EHBP1L1: variants seen among roughly 807,000 people sequenced by gnomAD.
The protein encoded by EHBP1L1 is EH domain-binding protein 1-like protein 1.
EHBP1L1 carries 122 observed loss-of-function variants against 151.1 expected under a neutral mutation model. The observed-to-expected ratio is 0.81, with a 90% CI of 0.70 to 0.94. The LOEUF is 0.94. Ranked by LOEUF, EHBP1L1 falls within the 40% of genes least tolerant of loss-of-function variation. The pLI is 0.00. For synonymous variants in EHBP1L1, 878 were observed against 810.1 expected (o/e 1.08, Z -1.42); for missense variants, 1,941 against 1,959.8 (o/e 0.99, Z 0.18).
chr11:65,583,781 G>T lies in EHBP1L1; in HGVS notation c.3093+16G>T. The T allele has an allele frequency of 6.8e-7, 1 of 1,461,732 alleles. No homozygotes were observed. 90.5% of individuals were successfully genotyped at this position (1,461,732 alleles called of 1,614,324 possible). On this transcript the variant is annotated intron_variant, in intron 9 of 18. Coordinates refer to ENST00000309295, the MANE Select transcript of EHBP1L1 (RefSeq NM_001099409.3). Reference sequence around the variant, plus strand: ...GGGCAGCCAGGTAGGGATGGGGGCCGCCGAGGGCCCAGTCTGCTGCTTCCC... The same window carrying T: ...GGGCAGCCAGGTAGGGATGGGGGCCTCCGAGGGCCCAGTCTGCTGCTTCCC...
rs763416698 is a variant in EHBP1L1 at position 65,585,505 on chromosome 11, C to G, written c.3847C>G (p.Leu1283Val). 1.9e-6 allele frequency: 3 copies of G among 1,563,188 alleles called. No homozygotes were observed. The Admixed American group carries it at 5.5e-5, about 29-fold the overall frequency. The stretch of plus-strand genomic sequence containing the variant: ...CTCCCACGTGCGCGACGCGGACCTG[C>G]TCAAGAAGAGGCGCTCGCGGCTGCG... ...SFSHVRDADL[L>V]KKRRSRLRNS... The change falls in exon 12 of 19, where the codon CTC (leucine) becomes GTC (valine). Residue 1283 changes from leucine (L) to valine (V), a missense_variant. Physicochemically the swap from Leu to Val is conservative, Grantham distance 32. Coordinates refer to ENST00000309295, the MANE Select transcript of EHBP1L1 (RefSeq NM_001099409.3). The surrounding 1 kb of genome is among the most constrained non-coding windows in gnomAD (Gnocchi z 4.0).
rs185664667 is a variant in EHBP1L1 at position 65,584,392 on chromosome 11, A to G, written c.3245A>G (p.Asp1082Gly). Residue 1082 changes from aspartate to glycine, a missense_variant, in exon 10 of 19, where the codon GAC becomes GGC. By Grantham distance (94) the Asp-to-Gly change is moderately conservative. Coordinates refer to ENST00000309295, the MANE Select transcript of EHBP1L1 (RefSeq NM_001099409.3). ...GCCATCCTGCACCGATTCTACCCAG[A>G]CAAGATGTGAGCTGCCAGAGGGGTG... ...FCAILHRFYP[D>G]KIDYASLDPL... The G allele has an allele frequency of 1.5e-3, 2,439 of 1,613,140 alleles. 1 individual carries two copies. The highest frequency in any genetic ancestry group is 1.8e-3 in the Non-Finnish European group (2,122 of 1,179,498).
intron 10 of EHBP1L1, 28 bp downstream of exon 10, chr11:65,584,426 TG>T: frequency 6.2e-7 from 1 of 1,613,324 alleles, no homozygotes; most frequent in Non-Finnish European, 8.5e-7. Flanking sequence ...TGGGAACGAA[TG>T]GGGGAGCCAT....
In EHBP1L1 at chr11:65,592,450, G is replaced by A. The variant is rs1858388619; in HGVS notation, c.*148G>A. On this transcript the variant is annotated 3_prime_UTR_variant, in exon 19 of 19. Coordinates refer to ENST00000309295, the MANE Select transcript of EHBP1L1 (RefSeq NM_001099409.3). ...CGCCCTTCCCCGTACAGGGCAGGGCGGATCCCCGACCCCACGGGCGGGGCG... is the reference window on the plus strand; with the variant it reads ...CGCCCTTCCCCGTACAGGGCAGGGCAGATCCCCGACCCCACGGGCGGGGCG... The A allele has an allele frequency of 9.4e-6, 4 of 424,428 alleles. No homozygotes were observed. The highest frequency in any genetic ancestry group is 1.0e-4 in the South Asian group (1 of 9,804). The allele number at this position is 424,428 out of a possible 1,614,324, so 26.3% of individuals were successfully genotyped here.
intron 12 of EHBP1L1, among the ~76,000 whole-genome samples, chr11:65,587,386 AAG>A (rs1418498853): frequency 6.6e-6 from 1 of 151,444 alleles, no homozygotes; most frequent in Non-Finnish European, 1.5e-5. Context: ...AAAAAAAAAA[AAG>A]AGGAATTTGA....
Position 65,583,393 on chromosome 11 carries a change from T to C in EHBP1L1, c.2721T>C (p.Thr907=), listed in dbSNP as rs555603723. ...ATGAGGCTTTAAGGGCCCCAGTCAC[T>C]CAGCCAAGAGTTTTAGGATCCCAGG... is the stretch of plus-strand genomic sequence containing the variant. The part of the protein sequence containing the change: ...LKYEALRAPV[T]QPRVLGSQEA... The change falls in exon 9 of 19, where the codon ACT becomes ACC. Residue 907 remains threonine (T), a synonymous_variant. Coordinates refer to ENST00000309295, the MANE Select transcript of EHBP1L1 (RefSeq NM_001099409.3). 1 of 1,613,452 alleles carries C rather than the reference T, an allele frequency of 6.2e-7. No homozygotes were observed.
At chr11:65,578,546 A>T (rs2135227398) in intron 1 of EHBP1L1, among the ~76,000 whole-genome samples, 1 of 152,268 alleles carries the variant, frequency 6.6e-6, no homozygotes, top group East Asian at 1.9e-4. Context: ...CTTGACTGGT[A>T]GTCTGCCCCC....
intron 14 of EHBP1L1, 42 bp downstream of exon 14, chr11:65,590,033 C>T: frequency 1.2e-6 from 2 of 1,610,510 alleles, no homozygotes; most frequent in African/African-American, 1.3e-5. Context: ...GTGAGCACCA[C>T]CTATTCAGGG....
Position 65,576,419 on chromosome 11 carries a change from G to A in EHBP1L1, c.104+13G>A. 2 of 1,563,784 alleles carry A rather than the reference G, an allele frequency of 1.3e-6. No individual in the cohort carries two copies. On this transcript the variant is annotated intron_variant, in intron 1 of 18. Transcript: ENST00000309295. ...GCACCAAGAAATGGTGAGTGGGAGG[G>A]AGGCGGGGGGGCTCCCCCGAACTTG...
In EHBP1L1 at chr11:65,583,567, A is replaced by G; in HGVS notation, c.2895A>G (p.Pro965=). 2 of 1,607,794 alleles carry G rather than the reference A, an allele frequency of 1.2e-6. No homozygotes were observed. Among genetic ancestry groups the G allele is most frequent in the Non-Finnish European group, 8.5e-7 (1 of 1,175,692 alleles). The change falls in exon 9 of 19, where the codon CCA becomes CCG. Residue 965 remains proline, a synonymous_variant. Coordinates refer to ENST00000309295, the MANE Select transcript of EHBP1L1 (RefSeq NM_001099409.3). ...CAGAGATGAAGGTTTTAGAGTCTCC[A>G]GAGAACAAATCTGGTACTTTTAAGG... ...QEAEMKVLES[P]ENKSGTFKAQ...
In EHBP1L1 at chr11:65,590,543, G is replaced by C; in HGVS notation, c.4234G>C (p.Val1412Leu). The stretch of plus-strand genomic sequence containing the variant: ...GCTGATCCAGGAGTGGTTCACCCTG[G>C]TCAACAAGAAGAACGCTCTCATCCG... The part of the protein sequence containing the change: ...EVLIQEWFTL[V>L]NKKNALIRRQ... Residue 1412 changes from valine (V) to leucine (L), a missense_variant, in exon 16 of 19, where the codon GTC becomes CTC. Val to Leu is a conservative substitution (Grantham distance 32). Transcript: ENST00000309295. The C allele has an allele frequency of 6.2e-7, 1 of 1,613,666 alleles. No homozygotes were observed. Among genetic ancestry groups the C allele is most frequent in the African/African-American group, 1.3e-5 (1 of 75,050 alleles).
chr11:65,588,180 G>T (rs1002276975), intron 12 of EHBP1L1, among the ~76,000 whole-genome samples: 2 of 152,056 alleles, frequency 1.3e-5, no homozygotes, highest in Non-Finnish European at 2.9e-5. Flanking sequence ...TGGGGGCCCC[G>T]GCAGGGGGGT....
rs371683303 is a variant in EHBP1L1, at chr11:65,582,405, G to A, written c.1733G>A (p.Gly578Glu). The A allele has an allele frequency of 3.7e-6, 6 of 1,608,208 alleles. No homozygotes were observed. The highest frequency in any genetic ancestry group is 4.2e-6 in the Non-Finnish European group (5 of 1,177,830). ...CTGGAAACAGAGACTGAGGTGGTAG[G>A]GTTGGAGGTGCTGGGAACCCAGGAG... is the stretch of plus-strand genomic sequence containing the variant. The part of the protein sequence containing the change: ...GDLETETEVV[G>E]LEVLGTQEKE... The change falls in exon 9 of 19, where the codon GGG (glycine) becomes GAG (glutamate). Residue 578 changes from glycine to glutamate, a missense_variant. Coordinates refer to ENST00000309295, the MANE Select transcript of EHBP1L1 (RefSeq NM_001099409.3).
Position 65,592,200 on chromosome 11 carries a change from C to T in EHBP1L1, c.4473-3C>T. 2 of 1,568,620 alleles carry T rather than the reference C, an allele frequency of 1.3e-6. No individual in the cohort carries two copies. The highest frequency in any genetic ancestry group is 1.7e-6 in the Non-Finnish European group (2 of 1,162,926). ...AGCGCTGACTCGAACCCGTTCTCCC[C>T]AGCGCCCTGGAGGAGGACGAGCGCC... On this transcript the variant is annotated splice_region_variant and splice_polypyrimidine_tract_variant and intron_variant, in intron 18 of 18. Coordinates refer to ENST00000309295, the MANE Select transcript of EHBP1L1 (RefSeq NM_001099409.3).
rs368840409 is a variant in EHBP1L1, at chr11:65,581,246, G to A, written c.739G>A (p.Ala247Thr). 3.4e-5 allele frequency: 55 copies of A among 1,611,260 alleles called. No homozygotes were observed. The highest frequency in any genetic ancestry group is 1.6e-4 in the Middle Eastern group (1 of 6,076). ...TTCTAATGCTGAGGATACCAGCCCA[G>A]CCCCTGTGAGTGCTCCTGCACCCCC... Reference protein sequence around the residue: ...SPSNAEDTSPAPVSAPAPPAR... With the variant: ...SPSNAEDTSPTPVSAPAPPAR... Residue 247 changes from alanine (A) to threonine (T), a missense_variant, in exon 8 of 19, where the codon GCC becomes ACC. Ala to Thr is a moderately conservative substitution (Grantham distance 58). Transcript: ENST00000309295.
At chr11:65,576,466 T>G in intron 1 of EHBP1L1, 60 bp downstream of exon 1, 1 of 1,471,886 alleles carries the variant, frequency 6.8e-7, no homozygotes, top group Non-Finnish European at 9.2e-7. Flanking sequence ...TCCGGCCCTT[T>G]GAGCCTGAGA....
rs1376234546 is a variant in EHBP1L1, at chr11:65,582,445, GT to G, written c.1774del (p.Ser592GlnfsTer9). 1 of 1,612,456 alleles carries G rather than the reference GT, an allele frequency of 6.2e-7. No individual in the cohort carries two copies. Among genetic ancestry groups the G allele is most frequent in the East Asian group, 2.2e-5 (1 of 44,852 alleles). ...LGTQEKEVEG[S>X]GFPETRTLEI... ...GAACCCAGGAGAAAGAAGTTGAGGG[GT>G]CAGGGTTCCCAGAGACTAGGACACT... is the stretch of plus-strand genomic sequence containing the variant. On this transcript the variant is annotated frameshift_variant, in exon 9 of 19. Coordinates refer to ENST00000309295, the MANE Select transcript of EHBP1L1 (RefSeq NM_001099409.3). LOFTEE classifies it high-confidence loss of function.
At position 65,589,952 on chromosome 11, in the gene EHBP1L1, G is replaced by C. The variant is rs184894054; in HGVS notation, c.4020G>C (p.Ser1340=). 6 of 1,574,218 alleles carry C rather than the reference G, an allele frequency of 3.8e-6. No homozygotes were observed. Among genetic ancestry groups the C allele is most frequent in the East Asian group, 4.5e-5 (2 of 44,164 alleles). Residue 1340 remains serine, a synonymous_variant, in exon 14 of 19, where the codon TCG becomes TCC. Transcript: ENST00000309295. ...SQQPPGGSSP[S]EEPPPSPGEE... Reference sequence around the variant, plus strand: ...TGTCTGCAGGTGGGAGTTCCCCCTCGGAGGAACCACCCCCAAGCCCAGGGG... The same window carrying C: ...TGTCTGCAGGTGGGAGTTCCCCCTCCGAGGAACCACCCCCAAGCCCAGGGG...
intron 15 of EHBP1L1, 96 bp downstream of exon 15, chr11:65,590,306 G>A: frequency 6.4e-7 from 1 of 1,553,266 alleles, no homozygotes; most frequent in Non-Finnish European, 8.7e-7. Context: ...CTGGGAGGAG[G>A]CACGGCTGGC....
Sources: gnomAD v4.1 joint callset for allele counts (sites outside exome capture counted in the v4.1 genomes callset) on GRCh38, gnomAD v4.1.1 for gene constraint, Gnocchi (gnomAD v3.1) non-coding constraint, MANE v1.5 for transcripts, NCBI Gene and HGNC (gene_info 2026-07-23, HGNC 2026-07-21) for gene names.